KYNU: variants seen among roughly 807,000 people sequenced by gnomAD.
KYNU encodes kynureninase.
In KYNU, 54 loss-of-function variants were observed where a neutral mutation model predicts 59.2. The ratio of observed to expected loss-of-function variants is 0.91; its 90% CI spans 0.73 to 1.14. KYNU has a LOEUF of 1.14. Ranked by LOEUF, KYNU falls within the 50% of genes most tolerant of loss-of-function variation. The pLI is 0.00. For missense variants in KYNU, 567 were observed against 554.4 expected (o/e 1.02, Z -0.23); for synonymous variants, 177 against 192.0 (o/e 0.92, Z 0.65).
chr2:142,982,538 G>A (rs191509593), intron 8 of KYNU, among the ~76,000 whole-genome samples: 1 of 152,006 alleles, frequency 6.6e-6, no homozygotes, highest in Non-Finnish European at 1.5e-5. Flanking sequence ...ATTCCACTAG[G>A]CAGACACACA....
intron 10 of KYNU, among the ~76,000 whole-genome samples, chr2:142,999,007 C>CAAAAA (rs59742828): frequency 1.6e-4 from 10 of 63,472 alleles, no homozygotes; most frequent in Middle Eastern, 9.6e-3. Context: ...GACTCCGTCT[C>CAAAAA]AAAAAAAAAA....
chr2:142,972,803 T>TAG (rs1194012615), intron 8 of KYNU, among the ~76,000 whole-genome samples: 8 of 138,536 alleles, frequency 5.8e-5, no homozygotes, highest in African/African-American at 2.2e-4. Context: ...TATATATATA[T>TAG]ATATATATAT....
chr2:142,896,583 G>A (rs11903769), intron 2 of KYNU, among the ~76,000 whole-genome samples: 59,251 of 151,640 alleles, frequency 0.39, 11,703 homozygotes, highest in South Asian at 0.56. Context: ...GTCTTGTTTC[G>A]TTAGCCAGGC....
At chr2:142,913,645 C>T (rs775241261) in intron 2 of KYNU, among the ~76,000 whole-genome samples, 1 of 152,170 alleles carries the variant, frequency 6.6e-6, no homozygotes, top group Non-Finnish European at 1.5e-5. Flanking sequence ...GTTCTGTTCA[C>T]AGACGAGAAG....
At chr2:142,958,599 G>A (rs781626856) in intron 7 of KYNU, among the ~76,000 whole-genome samples, 11 of 152,248 alleles carry the variant, frequency 7.2e-5, no homozygotes, top group African/African-American at 2.4e-4. Context: ...GGAATAAAAA[G>A]TTCTCACATG....
intron 4 of KYNU, among the ~76,000 whole-genome samples, chr2:142,930,168 T>C (rs972918015): frequency 6.6e-6 from 1 of 152,208 alleles, no homozygotes; most frequent in African/African-American, 2.4e-5. Context: ...TGAGATTTTA[T>C]GGTTTGTAGG....
At chr2:143,006,313 G>A (rs1418450346) in intron 10 of KYNU, among the ~76,000 whole-genome samples, 5 of 151,666 alleles carry the variant, frequency 3.3e-5, no homozygotes, top group Non-Finnish European at 5.9e-5. Context: ...CTGGAAAATC[G>A]GGTCACTCCC....
At chr2:143,039,254 T>C (rs1183078562) in intron 12 of KYNU, among the ~76,000 whole-genome samples, 1 of 152,174 alleles carries the variant, frequency 6.6e-6, no homozygotes, top group African/African-American at 2.4e-5. Context: ...TTTAACTGCT[T>C]GTTTTCTTAT....
chr2:143,004,274 G>C (rs1253158185), intron 10 of KYNU, among the ~76,000 whole-genome samples: 3 of 152,184 alleles, frequency 2.0e-5, no homozygotes, highest in Admixed American at 6.5e-5. Context: ...GGCCTATGAA[G>C]TTATAGATGA....
intron 3 of KYNU, among the ~76,000 whole-genome samples, chr2:142,922,322 A>T (rs1001805275): frequency 2.0e-5 from 3 of 152,088 alleles, no homozygotes; most frequent in African/African-American, 7.2e-5. Flanking sequence ...GCAACATGGT[A>T]AAACCCTGTC....
At position 143,042,298 on chromosome 2, in the gene KYNU, T is replaced by C. The variant is rs573828740; in HGVS notation, c.*126T>C. 6.4e-5 allele frequency: 60 copies of C among 941,040 alleles called. No homozygotes were observed. In the African/African-American group the frequency reaches 7.4e-4, roughly 12 times the overall value. 58.3% of individuals were successfully genotyped at this position (941,040 alleles called of 1,614,324 possible). A position where few individuals can be genotyped will look rare whatever the true frequency, so the allele number is the denominator to read the frequency against. On this transcript the variant is annotated 3_prime_UTR_variant, in exon 14 of 14. Coordinates refer to ENST00000264170, the MANE Select transcript of KYNU (RefSeq NM_003937.3). ...CACATGTAACTAACAATAAATAATA[T>C]ACCTTACAGAAAATCTGATATAATT...
intron 10 of KYNU, among the ~76,000 whole-genome samples, chr2:142,994,318 A>T (rs777543714): frequency 6.6e-6 from 1 of 152,050 alleles, no homozygotes; most frequent in Non-Finnish European, 1.5e-5. Context: ...CACAGTCTAC[A>T]CAAGAATACT....
At chr2:142,932,756 TG>T (rs1683267209) in intron 4 of KYNU, among the ~76,000 whole-genome samples, 1 of 101,618 alleles carries the variant, frequency 9.8e-6, no homozygotes, top group Non-Finnish European at 1.8e-5. Context: ...CAATAGTATG[TG>T]GGGGCGGGGG....
At chr2:142,878,929 A>G (rs77138767) in intron 1 of KYNU, among the ~76,000 whole-genome samples, 209 of 152,340 alleles carry the variant, frequency 1.4e-3, no homozygotes, top group Non-Finnish European at 1.9e-3. Flanking sequence ...ACATTGACAT[A>G]CAGAGCAGTT....
intron 10 of KYNU, among the ~76,000 whole-genome samples, chr2:143,022,426 T>C (rs1686436216): frequency 6.6e-6 from 1 of 152,190 alleles, no homozygotes; most frequent in African/African-American, 2.4e-5. Flanking sequence ...GTTTGCAGTA[T>C]TTTATGATGT....
intron 1 of KYNU, among the ~76,000 whole-genome samples, chr2:142,884,182 C>A (rs558409783): frequency 6.6e-6 from 1 of 152,320 alleles, no homozygotes; most frequent in South Asian, 2.1e-4. Context: ...AAACATCACA[C>A]AATCCTGTTT....
rs1286330931 is a variant in KYNU, at chr2:143,043,380, T to G, written c.*1208T>G. Reference sequence around the variant, plus strand: ...AATCATTATTTATAAGTTGACAAAATAGTGTAGATTTGTATACATAGTCAA... The same window carrying G: ...AATCATTATTTATAAGTTGACAAAAGAGTGTAGATTTGTATACATAGTCAA... On this transcript the variant is annotated 3_prime_UTR_variant, in exon 14 of 14. Transcript: ENST00000264170. 1 of 152,026 alleles carries G rather than the reference T, an allele frequency of 6.6e-6. No individual in the cohort carries two copies. The highest frequency in any genetic ancestry group is 2.4e-5 in the African/African-American group (1 of 41,432). The allele number at this position is 152,026 out of a possible 1,614,324, so 9.4% of individuals were successfully genotyped here.
At chr2:143,030,649 G>T (rs200717714) in intron 11 of KYNU, among the ~76,000 whole-genome samples, 50 of 144,132 alleles carry the variant, frequency 3.5e-4, no homozygotes, top group South Asian at 1.7e-3. Context: ...TGATGATGAT[G>T]ATGCTGATTA....
chr2:142,945,457 G>T (rs1228228850), intron 4 of KYNU, among the ~76,000 whole-genome samples: 2 of 152,094 alleles, frequency 1.3e-5, no homozygotes, highest in African/African-American at 2.4e-5. Flanking sequence ...ACATCTTCAG[G>T]CTCCACTTCT....
Sources: gnomAD v4.1 joint callset for allele counts (sites outside exome capture counted in the v4.1 genomes callset) on GRCh38, gnomAD v4.1.1 for gene constraint, MANE v1.5 for transcripts, NCBI Gene and HGNC (gene_info 2026-07-23, HGNC 2026-07-21) for gene names.